Variants in ROS1 observed in about 807,000 individuals in gnomAD.
ROS1 encodes ROS proto-oncogene 1, receptor tyrosine kinase.
In ROS1, 263 loss-of-function variants were observed where a neutral mutation model predicts 273.5. That is an observed-to-expected ratio of 0.96 (90% CI 0.87 to 1.06). The LOEUF (loss-of-function observed/expected upper bound fraction) is 1.06, where lower values mean the gene tolerates loss of function less well. Among genes scored for constraint, ROS1 ranks in the 50% least tolerant of loss-of-function variants. The pLI, the probability that ROS1 is intolerant of heterozygous loss-of-function variation, is 0.00. For missense variants in ROS1, 2,833 were observed against 2,751.1 expected (o/e 1.03, Z -0.67); for synonymous variants, 1,008 against 954.1 (o/e 1.06, Z -1.04).
chr6:117,289,389 C>T lies in ROS1; in HGVS notation c.6716-587G>A, dbSNP rs894354527. Among the ~76,000 whole-genome samples the T allele has an allele frequency of 1.1e-4, 16 of 152,110 alleles. 1 individual carries two copies. The East Asian group carries it at 1.2e-3, about 11-fold the overall frequency. On this transcript the variant is annotated intron_variant, in intron 43 of 43. Coordinates refer to ENST00000368507, the MANE Select transcript of ROS1 (RefSeq NM_001378902.1). ...TCTACATTCAGCCCTGACACACATC[C>T]AGGTTTGATTTATTTTTAATGAACT...
Position 117,357,803 on chromosome 6 carries a change from C to A in ROS1, c.3839+1G>T. The A allele has an allele frequency of 6.3e-7, 1 of 1,574,876 alleles. No homozygotes were observed. ...ATAAAAAAATACTTGCATTTACATA[C>A]CTTAAAAGAGGATATACAGAAAAAG... On this transcript the variant is annotated splice_donor_variant, in intron 25 of 43. Coordinates refer to ENST00000368507, the MANE Select transcript of ROS1 (RefSeq NM_001378902.1). LOFTEE classifies it high-confidence loss of function.
chr6:117,341,098 C>A, intron 31 of ROS1, 37 bp downstream of exon 31: 1 of 1,390,510 alleles, frequency 7.2e-7, no homozygotes, highest in Non-Finnish European at 1.0e-6. Flanking sequence ...CCAATTTATT[C>A]TATATCATAA....
At chr6:117,424,855 T>C (rs1776022197) in intron 1 of ROS1, among the ~76,000 whole-genome samples, 1 of 152,208 alleles carries the variant, frequency 6.6e-6, no homozygotes, top group South Asian at 2.1e-4. Context: ...TATTTGTCTT[T>C]AGACAGGAAG....
At chr6:117,417,923 A>G (rs1177669906) in intron 2 of ROS1, among the ~76,000 whole-genome samples, 3 of 152,154 alleles carry the variant, frequency 2.0e-5, no homozygotes, top group African/African-American at 7.2e-5. Context: ...GGTTCTGATG[A>G]TGCTGTCTGG....
chr6:117,313,568 G>A (rs1367851958), intron 39 of ROS1, among the ~76,000 whole-genome samples: 1 of 148,344 alleles, frequency 6.7e-6, no homozygotes, highest in Non-Finnish European at 1.5e-5. Flanking sequence ...GAAAGACTCT[G>A]TCCAAAAAAA....
At chr6:117,361,753 A>C (rs1383363770) in intron 22 of ROS1, among the ~76,000 whole-genome samples, 3 of 151,904 alleles carry the variant, frequency 2.0e-5, no homozygotes, top group African/African-American at 7.2e-5. Flanking sequence ...TATGAAAAGA[A>C]AAACAAATCC....
Position 117,403,253 on chromosome 6 carries a change from C to T in ROS1, c.490G>A (p.Val164Ile), listed in dbSNP as rs1774103053. The change falls in exon 7 of 44, where the codon GTC becomes ATC. Residue 164 changes from valine to isoleucine, a missense_variant. Coordinates refer to ENST00000368507, the MANE Select transcript of ROS1 (RefSeq NM_001378902.1). The stretch of plus-strand genomic sequence containing the variant: ...TCAGTGAAGGGGTGCAGGGGCTTGA[C>T]CACATAGGACGGTCTGGACACAGTC... Reference protein sequence around the residue: ...TKTVSRPSYVVKPLHPFTEYI... With the variant: ...TKTVSRPSYVIKPLHPFTEYI... 1.2e-6 allele frequency: 2 copies of T among 1,611,618 alleles called. No individual in the cohort carries two copies. Among genetic ancestry groups the T allele is most frequent in the Non-Finnish European group, 1.7e-6 (2 of 1,179,492 alleles).
intron 28 of ROS1, among the ~76,000 whole-genome samples, chr6:117,342,986 G>T (rs1778064536): frequency 6.6e-6 from 1 of 152,020 alleles, no homozygotes; most frequent in Non-Finnish European, 1.5e-5. Context: ...TTTATACTTT[G>T]CTATCATCTG....
At position 117,396,950 on chromosome 6, in the gene ROS1, G is replaced by A; in HGVS notation, c.771C>T (p.Phe257=). 1 of 1,614,038 alleles carries A rather than the reference G, an allele frequency of 6.2e-7. No individual in the cohort carries two copies. The highest frequency in any genetic ancestry group is 2.2e-5 in the East Asian group (1 of 44,882). ...KLDAGTQRTS[F]QFYSTLPNTI... ...TATTTGGTAAAGTGGAGTAAAACTG[G>A]AAACTGGTTCTCTGTGTCCCTGCAT... Residue 257 remains phenylalanine, a synonymous_variant, in exon 8 of 44, where the codon TTC becomes TTT. Transcript: ENST00000368507.
chr6:117,306,068 A>T (rs959518489), intron 42 of ROS1, among the ~76,000 whole-genome samples: 3 of 143,504 alleles, frequency 2.1e-5, no homozygotes, highest in Non-Finnish European at 4.5e-5. Context: ...CACAGGACTC[A>T]TTAGCTATAT....
At chr6:117,380,164 T>C (rs1772005380) in intron 17 of ROS1, among the ~76,000 whole-genome samples, 4 of 152,120 alleles carry the variant, frequency 2.6e-5, no homozygotes, top group Admixed American at 2.6e-4. Context: ...CTAGAAGCTG[T>C]GAGGTATAAC....
chr6:117,366,005 AT>A (rs1184815913), intron 19 of ROS1, 70 bp downstream of exon 19: 59 of 1,308,032 alleles, frequency 4.5e-5, no homozygotes, highest in South Asian at 1.3e-4. Flanking sequence ...AGAAAAAAAA[AT>A]ATCCCAACCT....
chr6:117,310,380 ATTTT>A (rs372650546), intron 40 of ROS1, 99 bp from the exon 41 acceptor site: 9 of 682,102 alleles, frequency 1.3e-5, no homozygotes, highest in Admixed American at 6.7e-5. Flanking sequence ...AAGAGAAACT[ATTTT>A]TTTTTTTTTT....
chr6:117,326,213 T>C lies in ROS1; in HGVS notation c.5539+11A>G. On this transcript the variant is annotated intron_variant, in intron 34 of 43. Coordinates refer to ENST00000368507, the MANE Select transcript of ROS1 (RefSeq NM_001378902.1). ...TAATAAGCTAGTGTGTAGACAGACA[T>C]GGTAACATACCTCCAACTAATATAA... 3 of 1,565,514 alleles carry C rather than the reference T, an allele frequency of 1.9e-6. No individual in the cohort carries two copies. Among genetic ancestry groups the C allele is most frequent in the Non-Finnish European group, 2.6e-6 (3 of 1,154,238 alleles).
At chr6:117,302,602 G>T (rs139370215) in intron 42 of ROS1, among the ~76,000 whole-genome samples, 194 of 152,322 alleles carry the variant, frequency 1.3e-3, no homozygotes, top group Non-Finnish European at 2.4e-3. Flanking sequence ...CCCTGTAGAT[G>T]CTCTCAAGGC....
At chr6:117,382,048 C>T (rs1484733639) in intron 17 of ROS1, among the ~76,000 whole-genome samples, 3 of 151,992 alleles carry the variant, frequency 2.0e-5, no homozygotes, top group Non-Finnish European at 2.9e-5. Flanking sequence ...GACAAAGTCC[C>T]TGAGGTGGAG....
At chr6:117,356,071 C>T (rs1025538045) in intron 26 of ROS1, among the ~76,000 whole-genome samples, 2 of 152,078 alleles carry the variant, frequency 1.3e-5, no homozygotes, top group Non-Finnish European at 2.9e-5. Flanking sequence ...ACTCGACTTT[C>T]GAATATTTAT....
chr6:117,324,468 C>T (rs2128575401), intron 34 of ROS1, 53 bp from the exon 35 acceptor site: 1 of 857,298 alleles, frequency 1.2e-6, no homozygotes. Flanking sequence ...AGCTAAGTTG[C>T]CCCAGCTCTA....
intron 12 of ROS1, among the ~76,000 whole-genome samples, chr6:117,391,716 A>G (rs1243789827): frequency 2.0e-5 from 3 of 152,196 alleles, no homozygotes; most frequent in Admixed American, 2.0e-4. Context: ...CCCTGGAGCT[A>G]GAAGTCCTGG....
Sources: gnomAD v4.1 joint callset for allele counts (sites outside exome capture counted in the v4.1 genomes callset) on GRCh38, gnomAD v4.1.1 for gene constraint, MANE v1.5 for transcripts, NCBI Gene and HGNC (gene_info 2026-07-23, HGNC 2026-07-21) for gene names.